SLC4A10: variants seen among roughly 807,000 people sequenced by gnomAD.
SLC4A10 encodes the protein solute carrier family 4 member 10, also known as sodium-driven chloride bicarbonate exchanger.
Under a neutral mutation model 137.7 loss-of-function variants are expected in SLC4A10, and 42 were observed. The observed-to-expected ratio is 0.30, with a 90% CI of 0.24 to 0.39. The LOEUF (loss-of-function observed/expected upper bound fraction) is 0.39, where lower values mean the gene tolerates loss of function less well. Ranked by LOEUF, SLC4A10 falls within the 10% of genes least tolerant of loss-of-function variation. The probability of loss-of-function intolerance (pLI) is 1.00; values close to 1 mark genes in which losing one functional copy is unlikely to be tolerated. For missense variants in SLC4A10, 925 were observed against 1,355.0 expected (o/e 0.68, Z 4.98); for synonymous variants, 474 against 464.1 (o/e 1.02, Z -0.27).
At chr2:161,811,058 G>A (rs2056506050) in intron 3 of SLC4A10, among the ~76,000 whole-genome samples, 1 of 151,866 alleles carries the variant, frequency 6.6e-6, no homozygotes, top group African/African-American at 2.4e-5. Flanking sequence ...CTTGTTATTG[G>A]CTTATTCATG....
At chr2:161,640,176 T>C (rs943978406) in intron 1 of SLC4A10, among the ~76,000 whole-genome samples, 3 of 152,170 alleles carry the variant, frequency 2.0e-5, no homozygotes, top group Non-Finnish European at 4.4e-5. Context: ...CATAATCCAG[T>C]ACTTTGTTGC....
chr2:161,748,528 T>A (rs1226117494), intron 1 of SLC4A10, among the ~76,000 whole-genome samples: 1 of 151,880 alleles, frequency 6.6e-6, no homozygotes, highest in African/African-American at 2.4e-5. Flanking sequence ...TACCATTTGT[T>A]GAAAAGACTG....
intron 1 of SLC4A10, among the ~76,000 whole-genome samples, chr2:161,649,272 G>A (rs1005895378): frequency 5.9e-5 from 9 of 152,170 alleles, no homozygotes; most frequent in African/African-American, 2.2e-4. Context: ...GAAATGGGAG[G>A]ATGTCTTGAG....
chr2:161,681,009 T>A (rs753598960), intron 1 of SLC4A10, among the ~76,000 whole-genome samples: 10 of 152,174 alleles, frequency 6.6e-5, no homozygotes, highest in Non-Finnish European at 1.3e-4. Context: ...TCAATTTAAC[T>A]TTCCTAAGTT....
intron 16 of SLC4A10, among the ~76,000 whole-genome samples, chr2:161,946,389 A>G (rs930690696): frequency 2.6e-5 from 4 of 152,050 alleles, no homozygotes; most frequent in South Asian, 2.1e-4. Context: ...TTATTCTACA[A>G]TCTTTGGAGT....
intron 21 of SLC4A10, among the ~76,000 whole-genome samples, chr2:161,961,820 C>T (rs1181353346): frequency 6.6e-6 from 1 of 151,984 alleles, no homozygotes; most frequent in Non-Finnish European, 1.5e-5. Context: ...AAAACGTTAT[C>T]AAAAGCCCAT....
In SLC4A10 at chr2:161,977,750, A is replaced by C; in HGVS notation, c.*16A>C. 1 of 1,596,050 alleles carries C rather than the reference A, an allele frequency of 6.3e-7. No homozygotes were observed. The highest frequency in any genetic ancestry group is 8.5e-7 in the Non-Finnish European group (1 of 1,173,426). ...CCCTTCCTAATCACTCTAGAAGCTGATTCCCCAAAGGTAAGACCCTCTCCC... is the reference window on the plus strand; with the variant it reads ...CCCTTCCTAATCACTCTAGAAGCTGCTTCCCCAAAGGTAAGACCCTCTCCC... On this transcript the variant is annotated 3_prime_UTR_variant, in exon 26 of 27. Transcript: ENST00000446997.
intron 2 of SLC4A10, 49 bp from the exon 3 acceptor site, chr2:161,804,400 G>A (rs1397065007): frequency 3.2e-6 from 5 of 1,580,826 alleles, no homozygotes; most frequent in Non-Finnish European, 4.3e-6. Context: ...TCATATCTGT[G>A]CCCTGGAATA....
rs533116676 is a variant in SLC4A10 at position 161,850,926 on chromosome 2, G to A, written c.417-4044G>A. Among the ~76,000 whole-genome samples, 294 of 152,150 alleles carry A rather than the reference G, an allele frequency of 1.9e-3. 1 individual carries two copies. The highest frequency in any genetic ancestry group is 6.5e-3 in the African/African-American group (269 of 41,518). On this transcript the variant is annotated intron_variant, in intron 4 of 26. Transcript: ENST00000446997. Reference sequence around the variant, plus strand: ...GTATGTTGTATCTTTGTTTTCATTAGTTTCAAGGAATTTCTCGGTTTCTAC... The same window carrying A: ...GTATGTTGTATCTTTGTTTTCATTAATTTCAAGGAATTTCTCGGTTTCTAC...
At chr2:161,667,058 A>C (rs537854887) in intron 1 of SLC4A10, among the ~76,000 whole-genome samples, 4 of 151,706 alleles carry the variant, frequency 2.6e-5, no homozygotes, top group Admixed American at 2.6e-4. Context: ...TGTTATTTAT[A>C]TTGGGCTAAT....
At chr2:161,793,206 T>A (rs2054391153) in intron 2 of SLC4A10, among the ~76,000 whole-genome samples, 1 of 152,212 alleles carries the variant, frequency 6.6e-6, no homozygotes, top group African/African-American at 2.4e-5. Flanking sequence ...TACAACATGA[T>A]GCTTTGAAAT....
chr2:161,673,571 T>A (rs545306523), intron 1 of SLC4A10, among the ~76,000 whole-genome samples: 1 of 152,196 alleles, frequency 6.6e-6, no homozygotes, highest in Non-Finnish European at 1.5e-5. Context: ...AAATAAACAA[T>A]GTACCTTTGC....
At chr2:161,651,663 G>T (rs962943434) in intron 1 of SLC4A10, among the ~76,000 whole-genome samples, 6 of 152,230 alleles carry the variant, frequency 3.9e-5, no homozygotes, top group African/African-American at 1.4e-4. Context: ...GGCCACAAGT[G>T]GTACATCTGG....
intron 3 of SLC4A10, among the ~76,000 whole-genome samples, chr2:161,814,973 G>T (rs1295222810): frequency 2.0e-5 from 3 of 151,944 alleles, no homozygotes; most frequent in Non-Finnish European, 4.4e-5. Flanking sequence ...AAAGAAACCT[G>T]TACTGCTAGC....
At position 161,816,284 on chromosome 2, in the gene SLC4A10, T is replaced by C. The variant is rs568753008; in HGVS notation, c.277+11689T>C. Among the ~76,000 whole-genome samples the C allele has an allele frequency of 7.2e-5, 11 of 152,266 alleles. No individual in the cohort carries two copies. The South Asian group carries it at 1.9e-3, about 26-fold the overall frequency. ...ATTTCTGCAGGTGCCTCAAAATTCT[T>C]TGGAATTCAACTTCCGAAGAAGTAT... On this transcript the variant is annotated intron_variant, in intron 3 of 26. Coordinates refer to ENST00000446997, the MANE Select transcript of SLC4A10 (RefSeq NM_001178015.2).
At chr2:161,643,644 C>T (rs2035612591) in intron 1 of SLC4A10, among the ~76,000 whole-genome samples, 1 of 152,102 alleles carries the variant, frequency 6.6e-6, no homozygotes, top group Non-Finnish European at 1.5e-5. Context: ...AAGAGAGGGA[C>T]TGGTAACTAC....
At chr2:161,887,253 C>T (rs1259462670) in intron 10 of SLC4A10, among the ~76,000 whole-genome samples, 5 of 151,854 alleles carry the variant, frequency 3.3e-5, no homozygotes, top group East Asian at 1.9e-4. Context: ...AATAAATATA[C>T]GCAGTAGTAC....
At chr2:161,751,463 A>G (rs959121015) in intron 1 of SLC4A10, among the ~76,000 whole-genome samples, 13 of 147,582 alleles carry the variant, frequency 8.8e-5, no homozygotes, top group African/African-American at 2.7e-4. Flanking sequence ...GAAATATTTT[A>G]TAGTTATAAT....
intron 20 of SLC4A10, 66 bp downstream of exon 20, chr2:161,957,306 T>G: frequency 6.6e-7 from 1 of 1,517,676 alleles, no homozygotes; most frequent in East Asian, 2.3e-5. Context: ...AAATTTTCAT[T>G]TGAATCTGAG....
Sources: gnomAD v4.1 joint callset for allele counts (sites outside exome capture counted in the v4.1 genomes callset) on GRCh38, gnomAD v4.1.1 for gene constraint, MANE v1.5 for transcripts, NCBI Gene and HGNC (gene_info 2026-07-23, HGNC 2026-07-21) for gene names.